TTC7A: variants seen among roughly 807,000 people sequenced by gnomAD.
TTC7A encodes the protein tetratricopeptide repeat domain 7A.
TTC7A carries 110 observed loss-of-function variants against 103.7 expected under a neutral mutation model. The observed-to-expected ratio is 1.06, with a 90% CI of 0.91 to 1.24. The LOEUF (loss-of-function observed/expected upper bound fraction) is 1.24, where lower values mean the gene tolerates loss of function less well. Among genes scored for constraint, TTC7A ranks in the 50% most tolerant of loss-of-function variants. The pLI is 0.00. For missense variants in TTC7A, 1,340 were observed against 1,116.3 expected (o/e 1.20, Z -2.86); for synonymous variants, 521 against 467.9 (o/e 1.11, Z -1.47).
intron 5 of TTC7A, among the ~76,000 whole-genome samples, chr2:46,989,839 T>C (rs982274657): frequency 1.4e-5 from 2 of 138,618 alleles, no homozygotes; most frequent in Admixed American, 7.5e-5. Flanking sequence ...TGTGTGTGTG[T>C]GCATCTGTGT....
chr2:47,040,589 C>G (rs921452616), intron 15 of TTC7A: 2 of 152,244 alleles, frequency 1.3e-5, no homozygotes, highest in African/African-American at 4.8e-5. Flanking sequence ...AGTGAAGGGC[C>G]TAGTTCAACA....
At chr2:46,967,429 C>T (rs1484248353) in intron 3 of TTC7A, among the ~76,000 whole-genome samples, 1 of 152,162 alleles carries the variant, frequency 6.6e-6, no homozygotes, top group Non-Finnish European at 1.5e-5. Context: ...CTCCCCTAAC[C>T]CCTGGCAACC....
At position 47,047,267 on chromosome 2, in the gene TTC7A, G is replaced by C. The variant is rs548553530; in HGVS notation, c.1919+836G>C. 5.8e-6 allele frequency: 9 copies of C among 1,545,674 alleles called. No homozygotes were observed. In the African/African-American group the frequency reaches 1.2e-4, roughly 21 times the overall value. ...TGGTGTATATTTGTGTTTTCACAGA[G>C]ACTTTAGGAGCCCAGAAGGCTTCCA... On this transcript the variant is annotated intron_variant, in intron 16 of 19. Coordinates refer to ENST00000319190, the MANE Select transcript of TTC7A (RefSeq NM_020458.4).
chr2:47,052,308 G>A (rs1682928607), intron 18 of TTC7A, among the ~76,000 whole-genome samples: 1 of 152,204 alleles, frequency 6.6e-6, no homozygotes, highest in Non-Finnish European at 1.5e-5. Flanking sequence ...GTAACTAAGT[G>A]ATACCATTGC....
intron 18 of TTC7A, among the ~76,000 whole-genome samples, chr2:47,055,650 C>A (rs1683251782): frequency 6.6e-6 from 1 of 151,510 alleles, no homozygotes; most frequent in African/African-American, 2.4e-5. Context: ...AGGGAGAGTG[C>A]CCCTACCCTG....
At chr2:47,034,252 C>G (rs1232921186) in intron 15 of TTC7A, 3 of 152,246 alleles carry the variant, frequency 2.0e-5, no homozygotes, top group African/African-American at 7.2e-5. Context: ...CGGGCTGTCC[C>G]TGGCCAAGAG....
At chr2:47,018,672 T>G (rs1446257004) in intron 11 of TTC7A, among the ~76,000 whole-genome samples, 1 of 151,822 alleles carries the variant, frequency 6.6e-6, no homozygotes, top group African/African-American at 2.4e-5. Context: ...TACAGTTATA[T>G]ATCTACATAT....
At chr2:46,947,189 C>T (rs1284965964) in intron 1 of TTC7A, among the ~76,000 whole-genome samples, 1 of 152,124 alleles carries the variant, frequency 6.6e-6, no homozygotes, top group Non-Finnish European at 1.5e-5. Context: ...GTTTTTGGCT[C>T]TGTTATGTTT....
intron 19 of TTC7A, among the ~76,000 whole-genome samples, chr2:47,061,678 C>T (rs1239544956): frequency 6.6e-6 from 1 of 152,206 alleles, no homozygotes; most frequent in African/African-American, 2.4e-5. Context: ...CTTCTCTGAA[C>T]CTTAGTTTTA....
intron 5 of TTC7A, among the ~76,000 whole-genome samples, chr2:46,984,134 A>G (rs892381): frequency 0.33 from 49,786 of 152,094 alleles, 9,250 homozygotes; most frequent in East Asian, 0.67. Context: ...AGGCACGGGG[A>G]ACAAAAATGA....
intron 3 of TTC7A, among the ~76,000 whole-genome samples, chr2:46,969,806 C>T (rs1416513252): frequency 1.3e-5 from 2 of 152,212 alleles, no homozygotes; most frequent in African/African-American, 2.4e-5. Flanking sequence ...CGTCTGCATG[C>T]TTCCTAAACC....
chr2:47,043,968 G>T lies in TTC7A; in HGVS notation c.1803-2347G>T, dbSNP rs190503869. On this transcript the variant is annotated intron_variant, in intron 15 of 19. Transcript: ENST00000319190. ...AATGAGAAGGGGGCTCTGGCAGAGA[G>T]AAGTGTGATGCCTGCAGAGGGCCCG... is the stretch of plus-strand genomic sequence containing the variant. Among the ~76,000 whole-genome samples the T allele has an allele frequency of 2.2e-4, 34 of 152,342 alleles. No homozygotes were observed. In the East Asian group the frequency reaches 6.6e-3, roughly 29 times the overall value.
chr2:47,059,355 C>CT (rs1683587044), intron 18 of TTC7A, among the ~76,000 whole-genome samples: 1 of 152,104 alleles, frequency 6.6e-6, no homozygotes, highest in African/African-American at 2.4e-5. Context: ...TAGCACCTGC[C>CT]TGCTTCCAAG....
chr2:46,998,369 C>G (rs532585555), intron 8 of TTC7A, among the ~76,000 whole-genome samples: 7 of 152,242 alleles, frequency 4.6e-5, no homozygotes, highest in Non-Finnish European at 8.8e-5. Flanking sequence ...TGCCTTTTCT[C>G]CTGCCTTTGT....
intron 3 of TTC7A, among the ~76,000 whole-genome samples, chr2:46,971,065 A>G (rs73926318): frequency 0.13 from 19,851 of 152,256 alleles, 1,497 homozygotes; most frequent in African/African-American, 0.2. Context: ...TTTGTCAGAC[A>G]TGACCAGGCT....
At chr2:47,040,269 G>A (rs1681590534) in intron 15 of TTC7A, 1 of 152,342 alleles carries the variant, frequency 6.6e-6, no homozygotes, top group Admixed American at 6.5e-5. Context: ...GCACATCTCA[G>A]GACCCGGCCG....
chr2:46,968,014 G>C (rs1462717655), intron 3 of TTC7A, among the ~76,000 whole-genome samples: 1 of 152,150 alleles, frequency 6.6e-6, no homozygotes, highest in African/African-American at 2.4e-5. Context: ...GGAGGGAAGG[G>C]GTTCTGTTGC....
intron 1 of TTC7A, 128 bp from the exon 2 acceptor site, chr2:46,950,235 T>C: frequency 2.3e-6 from 2 of 866,336 alleles, no homozygotes; most frequent in Non-Finnish European, 3.5e-6. Context: ...AAATGTGCCT[T>C]TATTTTCTCA....
chr2:46,969,986 T>G (rs10183233), intron 3 of TTC7A, among the ~76,000 whole-genome samples: 84,501 of 151,924 alleles, frequency 0.56, 24,510 homozygotes, highest in East Asian at 0.66. Context: ...AGAGGTGGCT[T>G]TGCTTTGAGC....
Sources: allele counts gnomAD v4.1 joint callset (sites outside exome capture counted in the v4.1 genomes callset), GRCh38; gene constraint gnomAD v4.1.1; transcripts MANE v1.5; gene names NCBI Gene and HGNC (gene_info 2026-07-23, HGNC 2026-07-21).